The following IKZF2 variants were observed in gnomAD, a reference collection of about 807,000 sequenced individuals.
IKZF2 encodes the protein IKAROS family zinc finger 2.
In IKZF2, 15 loss-of-function variants were observed where a neutral mutation model predicts 49.2. The ratio of observed to expected loss-of-function variants is 0.30; its 90% CI spans 0.20 to 0.47. IKZF2 has a LOEUF of 0.47. IKZF2 is among the 20% of genes least tolerant of loss of function. The probability of loss-of-function intolerance (pLI) is 1.00; values close to 1 mark genes in which losing one functional copy is unlikely to be tolerated. For missense variants in IKZF2, 567 were observed against 664.6 expected, an observed-to-expected ratio of 0.85 and a Z score of 1.61; for synonymous variants, 227 against 221.4, an observed-to-expected ratio of 1.03 and a Z score of -0.23.
Position 213,147,802 on chromosome 2 carries a change from C to T in IKZF2, c.45G>A (p.Glu15=). The part of the protein sequence containing the change: ...AIDGYITCDN[E]LSPEREHSNM... ...TGGAGTGCTCCCTTTCGGGTGAAAG[C>T]TCATTGTCACCTGCTTTCACAAAAT... The change falls in exon 4 of 9, where the codon GAG becomes GAA. Residue 15 remains glutamate, a synonymous_variant. Coordinates refer to ENST00000434687, the MANE Select transcript of IKZF2 (RefSeq NM_001387220.1). 6.2e-7 allele frequency: 1 copy of T among 1,611,304 alleles called. No homozygotes were observed. Among genetic ancestry groups the T allele is most frequent in the South Asian group, 1.1e-5 (1 of 91,024 alleles).
chr2:213,072,157 G>A (rs1489351060), intron 4 of IKZF2, among the ~76,000 whole-genome samples: 1 of 152,006 alleles, frequency 6.6e-6, no homozygotes, highest in East Asian at 1.9e-4. Context: ...TTCTCGCCCA[G>A]CATGACAGGG....
chr2:213,051,450 G>T (rs1042039975), intron 5 of IKZF2, among the ~76,000 whole-genome samples: 1 of 151,682 alleles, frequency 6.6e-6, no homozygotes, highest in Non-Finnish European at 1.5e-5. Context: ...ATATTGGATT[G>T]AAAAAAATCT....
rs114067458 is a variant in IKZF2 at position 213,028,123 on chromosome 2, T to C, written c.575-5993A>G. 9.6e-3 allele frequency among the ~76,000 whole-genome samples: 1,467 copies of C among 152,256 alleles called. 27 individuals are homozygous for C. Among genetic ancestry groups the C allele is most frequent in the African/African-American group, 0.034 (1,393 of 41,546 alleles). Reference sequence around the variant, plus strand: ...TTTTTTCAAAAATATGGGTATTCAGTTGTTCTAGACCCATTTATAGAAAAT... The same window carrying C: ...TTTTTTCAAAAATATGGGTATTCAGCTGTTCTAGACCCATTTATAGAAAAT... On this transcript the variant is annotated intron_variant, in intron 6 of 8. Coordinates refer to ENST00000434687, the MANE Select transcript of IKZF2 (RefSeq NM_001387220.1).
intron 5 of IKZF2, among the ~76,000 whole-genome samples, chr2:213,052,729 A>G (rs1380015922): frequency 2.0e-5 from 3 of 152,072 alleles, no homozygotes; most frequent in Non-Finnish European, 4.4e-5. Context: ...TAATATCCAT[A>G]TCTGTCTAAT....
chr2:213,136,823 ATTAT>A (rs1488165122), intron 4 of IKZF2, among the ~76,000 whole-genome samples: 1 of 152,126 alleles, frequency 6.6e-6, no homozygotes, highest in Non-Finnish European at 1.5e-5. Context: ...TCTTGTTCTT[ATTAT>A]TTGTTTTCAC....
intron 4 of IKZF2, among the ~76,000 whole-genome samples, chr2:213,147,171 C>T (rs929137834): frequency 1.3e-5 from 2 of 152,094 alleles, no homozygotes; most frequent in African/African-American, 4.8e-5. Flanking sequence ...CTTCTCTGGA[C>T]AAAAGCCTTT....
At chr2:213,088,698 C>G (rs1372136) in intron 4 of IKZF2, among the ~76,000 whole-genome samples, 52,842 of 151,684 alleles carry the variant, frequency 0.35, 11,497 homozygotes, top group East Asian at 0.71. Context: ...GCGGAGGTTG[C>G]AGTGAGCCAA....
intron 6 of IKZF2, among the ~76,000 whole-genome samples, chr2:213,042,907 A>T (rs1699799009): frequency 6.6e-6 from 1 of 152,126 alleles, no homozygotes; most frequent in Non-Finnish European, 1.5e-5. Context: ...AAACTTTTCA[A>T]AACTGCATTT....
intron 4 of IKZF2, among the ~76,000 whole-genome samples, chr2:213,139,384 G>C (rs1373882900): frequency 6.6e-6 from 1 of 151,866 alleles, no homozygotes; most frequent in Non-Finnish European, 1.5e-5. Context: ...GAATATATTA[G>C]GTTCTCTTAG....
chr2:213,051,247 TG>T (rs1700646889), intron 5 of IKZF2, among the ~76,000 whole-genome samples: 1 of 152,018 alleles, frequency 6.6e-6, no homozygotes, highest in Non-Finnish European at 1.5e-5. Context: ...CATATAGATT[TG>T]TTATAAAACC....
chr2:213,104,200 T>A (rs1292580739), intron 4 of IKZF2, among the ~76,000 whole-genome samples: 1 of 151,654 alleles, frequency 6.6e-6, no homozygotes, highest in African/African-American at 2.4e-5. Flanking sequence ...GTTTTAAAAG[T>A]TTTGTTTTGC....
chr2:213,146,179 C>T (rs894314697), intron 4 of IKZF2, among the ~76,000 whole-genome samples: 1 of 152,002 alleles, frequency 6.6e-6, no homozygotes, highest in African/African-American at 2.4e-5. Context: ...TCTCTTTTTA[C>T]TCTTTAGGAA....
intron 4 of IKZF2, among the ~76,000 whole-genome samples, chr2:213,136,465 G>C (rs1013399770): frequency 1.3e-5 from 2 of 150,060 alleles, no homozygotes; most frequent in Non-Finnish European, 1.5e-5. Flanking sequence ...TAAATCTATA[G>C]TAAAATAGTA....
intron 4 of IKZF2, among the ~76,000 whole-genome samples, chr2:213,070,252 T>C (rs1339826192): frequency 1.3e-5 from 2 of 152,180 alleles, no homozygotes; most frequent in Non-Finnish European, 2.9e-5. Flanking sequence ...ATTTTAACTA[T>C]GCTTAGTTAT....
intron 6 of IKZF2, among the ~76,000 whole-genome samples, chr2:213,041,356 T>C (rs1699630201): frequency 6.6e-6 from 1 of 150,548 alleles, no homozygotes; most frequent in Non-Finnish European, 1.5e-5. Flanking sequence ...GGTGGGAGGA[T>C]GGAGTTTCGC....
chr2:213,043,764 C>G (rs1301183286), intron 6 of IKZF2, among the ~76,000 whole-genome samples: 1 of 152,200 alleles, frequency 6.6e-6, no homozygotes, highest in Non-Finnish European at 1.5e-5. Flanking sequence ...TGTCACTGAT[C>G]TGACAGGAAG....
At chr2:213,041,866 A>G (rs1699698500) in intron 6 of IKZF2, among the ~76,000 whole-genome samples, 1 of 152,228 alleles carries the variant, frequency 6.6e-6, no homozygotes, top group Non-Finnish European at 1.5e-5. Flanking sequence ...TTATTTTAAA[A>G]TAAACTAGGG....
At chr2:213,101,668 G>A (rs1285266993) in intron 4 of IKZF2, among the ~76,000 whole-genome samples, 10 of 152,128 alleles carry the variant, frequency 6.6e-5, no homozygotes, top group Admixed American at 3.3e-4. Context: ...CGACCCTAAC[G>A]TCTTATAACA....
chr2:213,031,386 A>G (rs566431983), intron 6 of IKZF2, among the ~76,000 whole-genome samples: 1 of 152,354 alleles, frequency 6.6e-6, no homozygotes, highest in African/African-American at 2.4e-5. Flanking sequence ...GGACACAAAC[A>G]CCAGGAAAAA....
Sources: gnomAD v4.1 joint callset for allele counts (sites outside exome capture counted in the v4.1 genomes callset) on GRCh38, gnomAD v4.1.1 for gene constraint, MANE v1.5 for transcripts, NCBI Gene and HGNC (gene_info 2026-07-23, HGNC 2026-07-21) for gene names.